Variants in DPY19L4 observed in about 807,000 individuals in gnomAD.
DPY19L4 encodes the protein probable C-mannosyltransferase DPY19L4.
A neutral mutation model predicts 102.8 loss-of-function variants in DPY19L4; 97 were observed. The observed-to-expected ratio is 0.94, with a 90% CI of 0.80 to 1.12. The LOEUF (loss-of-function observed/expected upper bound fraction) is 1.12. DPY19L4 is among the 50% of genes most tolerant of loss of function. The pLI is 0.00. For synonymous variants in DPY19L4, 252 were observed against 283.1 expected, an observed-to-expected ratio of 0.89 and a Z score of 1.10; for missense variants, 815 against 850.4, an observed-to-expected ratio of 0.96 and a Z score of 0.52.
intron 15 of DPY19L4, 109 bp from the exon 16 acceptor site, chr8:94,780,975 G>A (rs2130929819): frequency 1.2e-6 from 1 of 829,688 alleles, no homozygotes; most frequent in South Asian, 1.8e-5. Context: ...AATATCATTT[G>A]CCTTAAGTTA....
At chr8:94,780,527 A>C in intron 15 of DPY19L4, 112 bp downstream of exon 15, 1 of 682,090 alleles carries the variant, frequency 1.5e-6, no homozygotes, top group East Asian at 3.2e-5. Flanking sequence ...ACAAAATAAA[A>C]TGTAACATTC....
rs369567791 is a variant in DPY19L4 at position 94,783,677 on chromosome 8, G to A, written c.1723G>A (p.Ala575Thr). The A allele has an allele frequency of 2.5e-6, 4 of 1,613,674 alleles. No homozygotes were observed. In the African/African-American group the frequency reaches 5.3e-5, roughly 22 times the overall value. ...VELMTWIKRQAPVAAVFAGSP... is the reference protein window; with the variant it reads ...VELMTWIKRQTPVAAVFAGSP... ...CTTTATGGTTCTTTGCAGAAGGCAA[G>A]CTCCAGTTGCAGCTGTGTTTGCAGG... Residue 575 changes from alanine (A) to threonine (T), a missense_variant, in exon 17 of 19, where the codon GCT becomes ACT. Physicochemically the swap from Ala to Thr is moderately conservative, Grantham distance 58 (BLOSUM62 0). Transcript: ENST00000414645.
At chr8:94,739,368 G>A (rs780236580) in intron 4 of DPY19L4, 45 bp from the exon 5 acceptor site, 2 of 1,509,864 alleles carry the variant, frequency 1.3e-6, no homozygotes, top group Non-Finnish European at 1.8e-6. Flanking sequence ...TTTAATTACT[G>A]TGAAGCAGAA....
intron 18 of DPY19L4, among the ~76,000 whole-genome samples, chr8:94,788,920 T>A (rs1053836636): frequency 1.3e-5 from 2 of 152,242 alleles, no homozygotes; most frequent in Admixed American, 6.5e-5. Flanking sequence ...TGATTTCTAC[T>A]TATCTTTTCC....
chr8:94,738,577 C>T (rs1029952371), intron 4 of DPY19L4, 118 bp downstream of exon 4: 6 of 320,828 alleles, frequency 1.9e-5, no homozygotes, highest in Admixed American at 1.4e-4. Context: ...TGCAGTGGTG[C>T]GATCTTGGCT....
intron 4 of DPY19L4, among the ~76,000 whole-genome samples, chr8:94,738,974 A>G (rs762655953): frequency 4.6e-5 from 7 of 152,174 alleles, no homozygotes; most frequent in Non-Finnish European, 1.0e-4. Context: ...TAGTTAGTAT[A>G]TCCATCACAT....
At chr8:94,764,580 A>G (rs1227794304) in intron 8 of DPY19L4, among the ~76,000 whole-genome samples, 1 of 146,666 alleles carries the variant, frequency 6.8e-6, no homozygotes, top group Non-Finnish European at 1.5e-5. Context: ...CGTCTCAAAA[A>G]AAAAAAAAAA....
chr8:94,734,042 C>G (rs1291819129), intron 2 of DPY19L4, among the ~76,000 whole-genome samples: 1 of 149,122 alleles, frequency 6.7e-6, no homozygotes, highest in Non-Finnish European at 1.5e-5. Flanking sequence ...TTCAGATTTC[C>G]TTAGTTTTTA....
At chr8:94,773,040 C>T (rs189368835) in intron 13 of DPY19L4, among the ~76,000 whole-genome samples, 29 of 151,986 alleles carry the variant, frequency 1.9e-4, no homozygotes, top group African/African-American at 6.3e-4. Context: ...GGTGAAACCC[C>T]GTCTTTATTA....
At chr8:94,752,872 A>T (rs903496394) in intron 6 of DPY19L4, among the ~76,000 whole-genome samples, 1 of 151,606 alleles carries the variant, frequency 6.6e-6, no homozygotes, top group African/African-American at 2.4e-5. Context: ...TCACCATGTT[A>T]GCCAGGATGG....
chr8:94,769,244 A>G (rs904348303), intron 12 of DPY19L4, among the ~76,000 whole-genome samples: 3 of 151,544 alleles, frequency 2.0e-5, no homozygotes, highest in African/African-American at 7.3e-5. Flanking sequence ...TATTTTTAGT[A>G]GAGATGGGGT....
intron 2 of DPY19L4, among the ~76,000 whole-genome samples, chr8:94,732,309 T>C (rs1476578281): frequency 1.3e-5 from 2 of 152,210 alleles, no homozygotes; most frequent in Non-Finnish European, 2.9e-5. Context: ...CCTTATTTTT[T>C]TTATTATGCT....
chr8:94,733,458 G>T (rs182870350), intron 2 of DPY19L4, among the ~76,000 whole-genome samples: 1 of 152,202 alleles, frequency 6.6e-6, no homozygotes, highest in East Asian at 1.9e-4. Context: ...GCGTTCTATT[G>T]TGTTAAGTAT....
At chr8:94,763,975 GT>G (rs1283858273) in intron 8 of DPY19L4, among the ~76,000 whole-genome samples, 5 of 152,084 alleles carry the variant, frequency 3.3e-5, no homozygotes, top group Admixed American at 2.0e-4. Flanking sequence ...AGTCTGGCCT[GT>G]TTTTTAGCAT....
At chr8:94,724,595 T>C (rs1810606741) in intron 1 of DPY19L4, among the ~76,000 whole-genome samples, 1 of 152,186 alleles carries the variant, frequency 6.6e-6, no homozygotes, top group Non-Finnish European at 1.5e-5. Flanking sequence ...TTGTTTTGTT[T>C]CGTTTTGTTT....
rs148392276 is a variant in DPY19L4 at position 94,762,473 on chromosome 8, A to G, written c.870+639A>G. Among the ~76,000 whole-genome samples the G allele has an allele frequency of 1.7e-3, 253 of 152,324 alleles. 1 individual carries two copies. Among genetic ancestry groups the G allele is most frequent in the Non-Finnish European group, 5.9e-4 (40 of 68,036 alleles). ...ACTGGCAGAGCTTCATAGGGAACCAACAGGAAAAGCAGAAATGTAGATTGC... is the reference window on the plus strand; with the variant it reads ...ACTGGCAGAGCTTCATAGGGAACCAGCAGGAAAAGCAGAAATGTAGATTGC... On this transcript the variant is annotated intron_variant, in intron 8 of 18. Transcript: ENST00000414645.
At chr8:94,777,157 C>T (rs1256169333) in intron 13 of DPY19L4, among the ~76,000 whole-genome samples, 2 of 151,980 alleles carry the variant, frequency 1.3e-5, no homozygotes, top group South Asian at 2.1e-4. Flanking sequence ...ACCTCTGCCT[C>T]CCAGGCTTAG....
intron 6 of DPY19L4, among the ~76,000 whole-genome samples, chr8:94,747,520 C>G (rs139556523): frequency 6.6e-6 from 1 of 150,954 alleles, no homozygotes; most frequent in African/African-American, 2.4e-5. Flanking sequence ...TGGGGGTCAT[C>G]CATGTGATGT....
intron 1 of DPY19L4, chr8:94,720,238 T>A (rs1244737249): frequency 1.1e-5 from 11 of 984,660 alleles, no homozygotes; most frequent in African/African-American, 1.8e-5. Context: ...GAAGCAAAGG[T>A]GGAGCTGAAA....
Sources: gnomAD v4.1 joint callset for allele counts (sites outside exome capture counted in the v4.1 genomes callset) on GRCh38, gnomAD v4.1.1 for gene constraint, MANE v1.5 for transcripts, NCBI Gene and HGNC (gene_info 2026-07-23, HGNC 2026-07-21) for gene names.